Variants in PPP1R37 observed in about 807,000 individuals in gnomAD.
The protein encoded by PPP1R37 is leucine rich repeat containing 68.
In PPP1R37, 21 loss-of-function variants were observed where a neutral mutation model predicts 61.0. The observed-to-expected ratio is 0.34, with a 90% CI of 0.24 to 0.50. The LOEUF is 0.50. PPP1R37 is among the 20% of genes least tolerant of loss of function. PPP1R37 has a pLI of 0.98. For missense variants in PPP1R37, 910 were observed against 952.7 expected, an observed-to-expected ratio of 0.96 and a Z score of 0.59; for synonymous variants, 443 against 433.5, an observed-to-expected ratio of 1.02 and a Z score of -0.27.
chr19:45,118,651 G>A (rs1968300124), intron 1 of PPP1R37, among the ~76,000 whole-genome samples: 1 of 152,144 alleles, frequency 6.6e-6, no homozygotes, highest in East Asian at 1.9e-4. Flanking sequence ...ACGGACTTGT[G>A]CCAGGAGCCC....
At chr19:45,115,531 G>A (rs905387514) in intron 1 of PPP1R37, among the ~76,000 whole-genome samples, 1 of 152,164 alleles carries the variant, frequency 6.6e-6, no homozygotes, top group African/African-American at 2.4e-5. Context: ...GCTCAGGCTC[G>A]AATCCCGGCT....
chr19:45,120,758 AC>A (rs1287532504), intron 1 of PPP1R37, among the ~76,000 whole-genome samples: 5 of 152,206 alleles, frequency 3.3e-5, no homozygotes, highest in African/African-American at 1.2e-4. Flanking sequence ...GATTATAGGC[AC>A]CCGCTACCAC....
chr19:45,096,852 T>C (rs1967999730), intron 1 of PPP1R37, among the ~76,000 whole-genome samples: 2 of 152,146 alleles, frequency 1.3e-5, no homozygotes, highest in Non-Finnish European at 1.5e-5. Flanking sequence ...TGGTCCATCC[T>C]GTTTGGGAAG....
chr19:45,135,612 C>T (rs984482322), intron 1 of PPP1R37, among the ~76,000 whole-genome samples: 2 of 152,160 alleles, frequency 1.3e-5, no homozygotes, highest in Non-Finnish European at 2.9e-5. Flanking sequence ...TGGCTTCAGC[C>T]GCCACAGAGG....
chr19:45,135,808 G>GT (rs1264747668), intron 1 of PPP1R37, among the ~76,000 whole-genome samples: 1 of 139,892 alleles, frequency 7.1e-6, no homozygotes, highest in African/African-American at 2.9e-5. Flanking sequence ...TGGAAATGGA[G>GT]TTTGGCTCTT....
At chr19:45,103,508 A>G (rs991061347) in intron 1 of PPP1R37, among the ~76,000 whole-genome samples, 1 of 152,056 alleles carries the variant, frequency 6.6e-6, no homozygotes, top group African/African-American at 2.4e-5. Flanking sequence ...ACGGTCTCCG[A>G]GGCTCTCACC....
In PPP1R37 at chr19:45,093,457, G is replaced by A. The variant is rs1488430158; in HGVS notation, c.132G>A (p.Lys44=). 1 of 1,535,502 alleles carries A rather than the reference G, an allele frequency of 6.5e-7. No homozygotes were observed. Among genetic ancestry groups the A allele is most frequent in the African/African-American group, 1.4e-5 (1 of 73,038 alleles). Residue 44 remains lysine (K), a synonymous_variant, in exon 1 of 13, where the codon AAG becomes AAA. Coordinates refer to ENST00000221462, the MANE Select transcript of PPP1R37 (RefSeq NM_019121.2). ...PADGRLKAAA[K]RVTFPSDEDI... ...ATGGGCGCCTCAAGGCTGCAGCCAA[G>A]CGCGTCACATTCCCGTCCGACGAGG...
intron 1 of PPP1R37, among the ~76,000 whole-genome samples, chr19:45,126,345 G>C (rs1968404458): frequency 6.6e-6 from 1 of 152,164 alleles, no homozygotes; most frequent in Non-Finnish European, 1.5e-5. Context: ...GTGCCAGGCT[G>C]GGTGAGCTCA....
rs999106259 is a variant in PPP1R37 at position 45,129,804 on chromosome 19, G to C, written c.203-8710G>C. ...TAGATGGGGAGGGAAAAGGAGGAGC[G>C]GGGAGGGGTCCTGCCCCCATGGGCT... On this transcript the variant is annotated intron_variant, in intron 1 of 12. Coordinates refer to ENST00000221462, the MANE Select transcript of PPP1R37 (RefSeq NM_019121.2). 2.8e-4 allele frequency among the ~76,000 whole-genome samples: 43 copies of C among 152,308 alleles called. 1 individual carries two copies. Among genetic ancestry groups the C allele is most frequent in the African/African-American group, 9.6e-4 (40 of 41,566 alleles).
At chr19:45,112,957 C>T (rs187175623) in intron 1 of PPP1R37, among the ~76,000 whole-genome samples, 62 of 152,310 alleles carry the variant, frequency 4.1e-4, no homozygotes, top group African/African-American at 1.4e-3. Flanking sequence ...AAGCCCAAAG[C>T]CTCATACTTT....
At chr19:45,136,939 A>T (rs1359650569) in intron 1 of PPP1R37, 1 of 152,268 alleles carries the variant, frequency 6.6e-6, no homozygotes, top group Non-Finnish European at 1.5e-5. Flanking sequence ...CTGGCCTAGC[A>T]GGGTGGCAGG....
At chr19:45,125,288 C>T (rs1335988983) in intron 1 of PPP1R37, among the ~76,000 whole-genome samples, 11 of 151,966 alleles carry the variant, frequency 7.2e-5, no homozygotes, top group Admixed American at 7.2e-4. Context: ...CATGGTGAAA[C>T]CCCGTCTCTA....
At chr19:45,137,342 C>T (rs1179709893) in intron 1 of PPP1R37, among the ~76,000 whole-genome samples, 1 of 152,248 alleles carries the variant, frequency 6.6e-6, no homozygotes, top group Non-Finnish European at 1.5e-5. Flanking sequence ...GAAACTCACG[C>T]TCATTATGCT....
chr19:45,114,649 A>G (rs562762749), intron 1 of PPP1R37, among the ~76,000 whole-genome samples: 4 of 152,298 alleles, frequency 2.6e-5, no homozygotes, highest in Admixed American at 1.3e-4. Context: ...ACATGTGTTT[A>G]GAAGGTGCAT....
chr19:45,123,897 A>T (rs977640402), intron 1 of PPP1R37, among the ~76,000 whole-genome samples: 2 of 152,102 alleles, frequency 1.3e-5, no homozygotes, highest in African/African-American at 2.4e-5. Context: ...CATGGAGTAG[A>T]CCGGGCCCTT....
intron 11 of PPP1R37, 74 bp downstream of exon 11, chr19:45,146,123 TGTG>T: frequency 7.1e-7 from 1 of 1,401,158 alleles, no homozygotes; most frequent in Non-Finnish European, 9.4e-7. Context: ...CCCTGCCTGT[TGTG>T]GACCTCAGTT....
intron 1 of PPP1R37, among the ~76,000 whole-genome samples, chr19:45,134,274 G>A (rs1279844493): frequency 6.6e-6 from 1 of 152,150 alleles, no homozygotes; most frequent in Admixed American, 6.5e-5. Context: ...ATAGTGCTGG[G>A]ATTGCAGGCG....
intron 1 of PPP1R37, among the ~76,000 whole-genome samples, chr19:45,104,530 T>C (rs1169261688): frequency 6.6e-6 from 1 of 152,308 alleles, no homozygotes; most frequent in Non-Finnish European, 1.5e-5. Context: ...AGCGCCTGTT[T>C]TGCCTCCACT....
chr19:45,107,215 G>A (rs1474254356), intron 1 of PPP1R37, among the ~76,000 whole-genome samples: 2 of 151,852 alleles, frequency 1.3e-5, no homozygotes, highest in East Asian at 3.9e-4. Flanking sequence ...TGAGCCAGCC[G>A]GGCACAGTGA....
Sources: gnomAD v4.1 joint callset for allele counts (sites outside exome capture counted in the v4.1 genomes callset) on GRCh38, gnomAD v4.1.1 for gene constraint, MANE v1.5 for transcripts, NCBI Gene and HGNC (gene_info 2026-07-23, HGNC 2026-07-21) for gene names.